The following DNER variants were observed in gnomAD, a reference collection of about 807,000 sequenced individuals.
DNER encodes the protein delta/notch like EGF repeat containing, also known as delta and Notch-like epidermal growth factor-related receptor.
A neutral mutation model predicts 78.2 loss-of-function variants in DNER; 33 were observed. The ratio of observed to expected loss-of-function variants is 0.42; its 90% confidence interval spans 0.32 to 0.56. The LOEUF is 0.56. Among genes scored for constraint, DNER ranks in the 20% least tolerant of loss-of-function variants. The probability of loss-of-function intolerance (pLI) is 0.11; values close to 1 mark genes in which losing one functional copy is unlikely to be tolerated. For synonymous variants in DNER, 417 were observed against 384.8 expected (o/e 1.08, Z -0.98); for missense variants, 918 against 975.3 (o/e 0.94, Z 0.78).
chr2:229,543,836 T>C (rs774899618), intron 5 of DNER, among the ~76,000 whole-genome samples: 5 of 152,208 alleles, frequency 3.3e-5, no homozygotes, highest in Non-Finnish European at 5.9e-5. Flanking sequence ...GAGTTAACTA[T>C]GACAAAACTG....
At chr2:229,686,667 CA>C (rs1299637876) in intron 1 of DNER, among the ~76,000 whole-genome samples, 3 of 152,196 alleles carry the variant, frequency 2.0e-5, no homozygotes, top group African/African-American at 7.2e-5. Flanking sequence ...AGCCTGACTC[CA>C]GCACTCACTC....
chr2:229,379,815 C>T (rs555833248), intron 11 of DNER, among the ~76,000 whole-genome samples: 11 of 152,274 alleles, frequency 7.2e-5, no homozygotes, highest in Admixed American at 3.9e-4. Flanking sequence ...TCCTTTCCAC[C>T]AGCAGATTCC....
At chr2:229,709,081 G>T (rs1214564392) in intron 1 of DNER, among the ~76,000 whole-genome samples, 1 of 152,138 alleles carries the variant, frequency 6.6e-6, no homozygotes, top group African/African-American at 2.4e-5. Context: ...AAAAAGCTGT[G>T]TCTGTTCATT....
chr2:229,452,720 C>A (rs1424508818), intron 7 of DNER, among the ~76,000 whole-genome samples: 1 of 152,210 alleles, frequency 6.6e-6, no homozygotes, highest in Non-Finnish European at 1.5e-5. Context: ...CCTCCGCCTC[C>A]TGGATTCAAG....
chr2:229,660,133 T>C (rs11678962), intron 1 of DNER, among the ~76,000 whole-genome samples: 60,523 of 151,990 alleles, frequency 0.4, 14,303 homozygotes, highest in Non-Finnish European at 0.54. Context: ...TGACTGAGAA[T>C]TTTTTTAAGT....
Position 229,585,839 on chromosome 2 carries a change from G to T in DNER, c.847+19C>A. The T allele has an allele frequency of 1.2e-6, 2 of 1,613,636 alleles. No individual in the cohort carries two copies. Among genetic ancestry groups the T allele is most frequent in the Non-Finnish European group, 1.7e-6 (2 of 1,179,810 alleles). On this transcript the variant is annotated intron_variant, in intron 4 of 12. Coordinates refer to ENST00000341772, the MANE Select transcript of DNER (RefSeq NM_139072.4). The stretch of plus-strand genomic sequence containing the variant: ...GTTGAATCAGATGCAGTGTTGAGTA[G>T]AAGATTTTGGTAACTCACCAATAAA...
intron 1 of DNER, among the ~76,000 whole-genome samples, chr2:229,606,764 G>A (rs551357053): frequency 2.8e-4 from 42 of 152,144 alleles, no homozygotes; most frequent in South Asian, 1.2e-3. Flanking sequence ...GTGGTGGTGC[G>A]CTCCTGTAAT....
intron 4 of DNER, among the ~76,000 whole-genome samples, chr2:229,563,745 ATCATCATCATCCTCC>A (rs1697026166): frequency 6.8e-6 from 1 of 146,984 alleles, no homozygotes; most frequent in Non-Finnish European, 1.5e-5. Context: ...CCCCATCACC[ATCATCATCATCCTCC>A]TCACCCCATC....
chr2:229,710,305 ACTATGACAGGTCCAGGGCTGGATTTTCAT>A (rs1699890775), intron 1 of DNER, among the ~76,000 whole-genome samples: 1 of 152,168 alleles, frequency 6.6e-6, no homozygotes, highest in Non-Finnish European at 1.5e-5. Flanking sequence ...CCCTATTGTA[ACTATGACAGGTCCAGGGCTGGATTTTCAT>A]CTAGGCACTC....
chr2:229,668,511 T>G (rs1699139025), intron 1 of DNER, among the ~76,000 whole-genome samples: 1 of 37,088 alleles, frequency 2.7e-5, no homozygotes, highest in Non-Finnish European at 6.0e-5. Context: ...TATATATAGG[T>G]AAGTATGTGT....
At chr2:229,485,913 T>C (rs1423103020) in intron 6 of DNER, among the ~76,000 whole-genome samples, 2 of 152,182 alleles carry the variant, frequency 1.3e-5, no homozygotes, top group South Asian at 2.1e-4. Flanking sequence ...ATGGTGGCAA[T>C]TGCGACGAGA....
intron 11 of DNER, among the ~76,000 whole-genome samples, chr2:229,380,675 C>G (rs1370917941): frequency 2.6e-5 from 4 of 152,084 alleles, no homozygotes; most frequent in African/African-American, 9.7e-5. Context: ...ACCTGTAATC[C>G]CAGCACTTTG....
chr2:229,428,074 C>CA (rs11358575), intron 8 of DNER, among the ~76,000 whole-genome samples: 76 of 93,126 alleles, frequency 8.2e-4, no homozygotes, highest in African/African-American at 2.4e-3. Context: ...GATTCCATCT[C>CA]AAAAAAAAAA....
chr2:229,369,442 T>C (rs1033709755), intron 11 of DNER, among the ~76,000 whole-genome samples: 2 of 151,550 alleles, frequency 1.3e-5, no homozygotes, highest in Admixed American at 1.3e-4. Context: ...GTTTCAACTT[T>C]CTAAAAAGTC....
chr2:229,684,931 C>T (rs866377903), intron 1 of DNER, among the ~76,000 whole-genome samples: 1 of 152,094 alleles, frequency 6.6e-6, no homozygotes, highest in African/African-American at 2.4e-5. Flanking sequence ...CAGATAATTT[C>T]GATGAAAGCT....
At chr2:229,575,294 C>A (rs555661639) in intron 4 of DNER, among the ~76,000 whole-genome samples, 1 of 152,222 alleles carries the variant, frequency 6.6e-6, no homozygotes, top group African/African-American at 2.4e-5. Context: ...CGTAATGGAT[C>A]AGGCCCAAAT....
intron 1 of DNER, among the ~76,000 whole-genome samples, chr2:229,599,567 C>T (rs959930119): frequency 1.8e-4 from 27 of 152,144 alleles, no homozygotes; most frequent in Non-Finnish European, 2.6e-4. Flanking sequence ...CTAACATCCC[C>T]TGGGGAAAGA....
At chr2:229,488,217 T>C (rs1174170051) in intron 6 of DNER, among the ~76,000 whole-genome samples, 1 of 152,252 alleles carries the variant, frequency 6.6e-6, no homozygotes, top group Non-Finnish European at 1.5e-5. Context: ...CCAATCTTTC[T>C]CATCTTTCAT....
intron 6 of DNER, among the ~76,000 whole-genome samples, chr2:229,507,261 A>G (rs148419016): frequency 6.6e-6 from 1 of 152,220 alleles, no homozygotes; most frequent in Admixed American, 6.5e-5. Flanking sequence ...TATGCGGTCC[A>G]TCACTGACTG....
Sources: allele counts gnomAD v4.1 joint callset (sites outside exome capture counted in the v4.1 genomes callset), GRCh38; gene constraint gnomAD v4.1.1; transcripts MANE v1.5; gene names NCBI Gene and HGNC (gene_info 2026-07-23, HGNC 2026-07-21).